AGAP3: variants seen among roughly 807,000 people sequenced by gnomAD.
AGAP3 encodes ArfGAP with GTPase domain, ankyrin repeat and PH domain 3.
AGAP3 carries 24 observed loss-of-function variants against 96.9 expected under a neutral mutation model. That is an observed-to-expected ratio of 0.25 (90% CI 0.18 to 0.35). AGAP3 has a LOEUF of 0.35. AGAP3 is among the 10% of genes least tolerant of loss of function. The probability of loss-of-function intolerance (pLI) is 1.00; values close to 1 mark genes in which losing one functional copy is unlikely to be tolerated. For missense variants in AGAP3, 876 were observed against 1,254.2 expected, an observed-to-expected ratio of 0.70 and a Z score of 4.55; for synonymous variants, 563 against 536.1, an observed-to-expected ratio of 1.05 and a Z score of -0.69.
chr7:151,122,874 G>T, intron 8 of AGAP3: 1 of 1,570,744 alleles, frequency 6.4e-7, no homozygotes, highest in South Asian at 1.2e-5. Flanking sequence ...GCTCTCAGAT[G>T]AGAAGCGGCC....
chr7:151,109,179 A>AC (rs1206442017), intron 1 of AGAP3, among the ~76,000 whole-genome samples: 1 of 148,374 alleles, frequency 6.7e-6, no homozygotes, highest in African/African-American at 2.6e-5. Flanking sequence ...AAAAAAAAAA[A>AC]ACAAAAAACA....
rs1800033041 is a variant in AGAP3 at position 151,123,775 on chromosome 7, C to G, written c.1129-19C>G. 1.9e-6 allele frequency: 3 copies of G among 1,613,032 alleles called. No homozygotes were observed. Among genetic ancestry groups the G allele is most frequent in the Non-Finnish European group, 2.5e-6 (3 of 1,179,736 alleles). On this transcript the variant is annotated intron_variant, in intron 8 of 17. Coordinates refer to ENST00000397238, the MANE Select transcript of AGAP3 (RefSeq NM_031946.7). ...CAGACCCTGGGCCTCTTTAACACGC[C>G]TCTTGTTTTCTCTTCCAGTCTCGGA...
chr7:151,138,479 G>A (rs772244061), intron 12 of AGAP3, among the ~76,000 whole-genome samples, 166 bp downstream of exon 12: 2 of 152,334 alleles, frequency 1.3e-5, no homozygotes, highest in Admixed American at 1.3e-4. Context: ...ACCCTGCTTC[G>A]GGGCTAGTAC....
At position 151,134,482 on chromosome 7, in the gene AGAP3, C is replaced by T. The variant is rs747242279; in HGVS notation, c.1409C>T (p.Ala470Val). The T allele has an allele frequency of 6.2e-7, 1 of 1,611,880 alleles. No homozygotes were observed. Among genetic ancestry groups the T allele is most frequent in the East Asian group, 2.2e-5 (1 of 44,818 alleles). ...VKVPGKRLPR[A>V]TPATAPGTSP... ...GTGCCAGGGAAGCGCCTGCCCCGAG[C>T]CACACCTGCCACAGCCCCGGGCACC... Residue 470 changes from alanine (A) to valine (V), a missense_variant, in exon 11 of 18, where the codon GCC becomes GTC. Transcript: ENST00000397238.
At chr7:151,109,002 A>G (rs1799169595) in intron 1 of AGAP3, among the ~76,000 whole-genome samples, 1 of 152,068 alleles carries the variant, frequency 6.6e-6, no homozygotes, top group South Asian at 2.1e-4. Context: ...GTGGTAATAA[A>G]CCATTGTAAA....
intron 8 of AGAP3, chr7:151,122,852 G>T: frequency 6.2e-7 from 1 of 1,606,416 alleles, no homozygotes. Context: ...AGGCGGGCCG[G>T]GCCCTGGGAC....
Position 151,137,401 on chromosome 7 carries a change from G to C in AGAP3, c.1496-742G>C, listed in dbSNP as rs537171970. ...TTGTGGTCTCAGTGTTGGGTGGACT[G>C]AAGAAGGGGAAGGAAGCTTAGGTTC... On this transcript the variant is annotated intron_variant, in intron 11 of 17. Transcript: ENST00000397238. Among the ~76,000 whole-genome samples, 5 of 152,352 alleles carry C rather than the reference G, an allele frequency of 3.3e-5. No homozygotes were observed. The South Asian group carries it at 1.0e-3, about 32-fold the overall frequency.
At chr7:151,088,222 G>T (rs1798237972) in intron 1 of AGAP3, among the ~76,000 whole-genome samples, 1 of 152,250 alleles carries the variant, frequency 6.6e-6, no homozygotes, top group South Asian at 2.1e-4. Context: ...CCCCATAGCC[G>T]GGGAAGAAGT....
In AGAP3 at chr7:151,087,079, G is replaced by C. The variant is rs1798184857; in HGVS notation, c.331+7G>C. ...CACGTCATCTCCATCGAGGGTGAGC[G>C]GAGCCGGGGGCTGCGGGAGCCGGGG... On this transcript the variant is annotated splice_region_variant and intron_variant, in intron 1 of 17. Transcript: ENST00000397238. 1 of 1,588,872 alleles carries C rather than the reference G, an allele frequency of 6.3e-7. No individual in the cohort carries two copies. The highest frequency in any genetic ancestry group is 1.3e-5 in the African/African-American group (1 of 74,558).
intron 9 of AGAP3, among the ~76,000 whole-genome samples, chr7:151,124,861 C>A (rs184993011): frequency 6.6e-5 from 10 of 152,290 alleles, no homozygotes; most frequent in African/African-American, 2.2e-4. Flanking sequence ...GGGCAGGGTC[C>A]CACAGGGTCC....
rs757171526 is a variant in AGAP3, at chr7:151,143,600, A to G, written c.2529+4A>G. On this transcript the variant is annotated splice_donor_region_variant and intron_variant, in intron 17 of 17. Transcript: ENST00000397238. The surrounding 1 kb of genome is among the most constrained non-coding windows in gnomAD (Gnocchi z 5.9). ...CTTCACGCAGCTGCTCATCTGGGTG[A>G]GTCACGTGCCTCTAGCCTGCCCTGA... 6.3e-7 allele frequency: 1 copy of G among 1,599,548 alleles called. No homozygotes were observed. Among genetic ancestry groups the G allele is most frequent in the East Asian group, 2.2e-5 (1 of 44,662 alleles).
chr7:151,120,957 C>T, intron 8 of AGAP3: 1 of 752,730 alleles, frequency 1.3e-6, no homozygotes. Context: ...GAGTCTTGGG[C>T]CAGACAAAGG....
At chr7:151,120,806 T>G in intron 8 of AGAP3, 1 of 1,171,238 alleles carries the variant, frequency 8.5e-7, no homozygotes, top group South Asian at 1.6e-5. Flanking sequence ...ACCCCACACC[T>G]GGGGGCTGTT....
At chr7:151,107,128 G>A (rs1477930012) in intron 1 of AGAP3, among the ~76,000 whole-genome samples, 1 of 151,976 alleles carries the variant, frequency 6.6e-6, no homozygotes. Flanking sequence ...TGGCCAACAT[G>A]GTGAAACCCC....
intron 1 of AGAP3, among the ~76,000 whole-genome samples, chr7:151,090,947 A>C (rs955403525): frequency 6.6e-6 from 1 of 152,142 alleles, no homozygotes; most frequent in African/African-American, 2.4e-5. Context: ...CCGTCTCAAA[A>C]AAAAACAAAA....
chr7:151,122,576 TC>T, intron 8 of AGAP3: 2 of 875,208 alleles, frequency 2.3e-6, no homozygotes, highest in Non-Finnish European at 3.5e-6. Context: ...CTTCTCCTCT[TC>T]CTCGTCCTTC....
chr7:151,123,971 T>C, intron 9 of AGAP3, 85 bp downstream of exon 9: 1 of 1,360,334 alleles, frequency 7.4e-7, no homozygotes, highest in Non-Finnish European at 1.0e-6. Flanking sequence ...CTCAGGCCTC[T>C]GTGATGGGGG....
rs1168977984 is a variant in AGAP3 at position 151,118,079 on chromosome 7, C to T, written c.707-131C>T. ...AGGGTTGAAATGAGACCCAGGCACC[C>T]GCGTTCTTGGTGCTCTGTGTGTTCC... On this transcript the variant is annotated intron_variant, in intron 5 of 17. Transcript: ENST00000397238. The surrounding 1 kb of genome is among the most constrained non-coding windows in gnomAD (Gnocchi z 6.1). The T allele has an allele frequency of 6.4e-6, 8 of 1,258,400 alleles. No homozygotes were observed. The highest frequency in any genetic ancestry group is 2.1e-4 in the Middle Eastern group (1 of 4,820). 78.0% of individuals were successfully genotyped at this position (1,258,400 alleles called of 1,614,324 possible).
chr7:151,136,018 T>G (rs1800578029), intron 11 of AGAP3, among the ~76,000 whole-genome samples: 1 of 152,178 alleles, frequency 6.6e-6, no homozygotes. Context: ...CATGGGGCTG[T>G]GCCAGTGGGG....
Sources: allele counts gnomAD v4.1 joint callset (sites outside exome capture counted in the v4.1 genomes callset), GRCh38; gene constraint gnomAD v4.1.1; non-coding constraint Gnocchi (gnomAD v3.1); transcripts MANE v1.5; gene names NCBI Gene and HGNC (gene_info 2026-07-23, HGNC 2026-07-21).